SLC45A4: variants seen among roughly 807,000 people sequenced by gnomAD.
SLC45A4 encodes solute carrier family 45 member 4.
In SLC45A4, 32 loss-of-function variants were observed where a neutral mutation model predicts 63.7. The ratio of observed to expected loss-of-function variants is 0.50; its 90% CI spans 0.38 to 0.67. The LOEUF is 0.67. SLC45A4 is among the 30% of genes least tolerant of loss of function. The pLI, the probability that SLC45A4 is intolerant of heterozygous loss-of-function variation, is 0.00. For missense variants in SLC45A4, 1,027 were observed against 1,157.7 expected, an observed-to-expected ratio of 0.89 and a Z score of 1.64; for synonymous variants, 535 against 510.0, an observed-to-expected ratio of 1.05 and a Z score of -0.66.
At chr8:141,302,566 A>C (rs898425238) in intron 1 of SLC45A4, among the ~76,000 whole-genome samples, 2 of 152,252 alleles carry the variant, frequency 1.3e-5, no homozygotes, top group Non-Finnish European at 1.5e-5. Context: ...TCCTGACGTC[A>C]GGTGATCCAC....
intron 1 of SLC45A4, among the ~76,000 whole-genome samples, chr8:141,275,486 T>C (rs1467264378): frequency 2.6e-5 from 4 of 152,026 alleles, no homozygotes; most frequent in Non-Finnish European, 4.4e-5. Context: ...TGGTCCCAGC[T>C]ATTCGGTAGG....
intron 1 of SLC45A4, among the ~76,000 whole-genome samples, chr8:141,297,920 T>A (rs777639269): frequency 7.4e-6 from 1 of 135,250 alleles, no homozygotes; most frequent in Non-Finnish European, 1.6e-5. Context: ...GAGAAGGACA[T>A]GACACCCAAA....
At chr8:141,260,351 A>C (rs4961260) in intron 1 of SLC45A4, among the ~76,000 whole-genome samples, 54,805 of 152,108 alleles carry the variant, frequency 0.36, 10,354 homozygotes, top group East Asian at 0.48. Context: ...GCAACTGTCC[A>C]AACAGTAATC....
At position 141,208,928 on chromosome 8, in the gene SLC45A4, C is replaced by T. The variant is rs530726800; in HGVS notation, c.*2644G>A. On this transcript the variant is annotated 3_prime_UTR_variant, in exon 9 of 9. Transcript: ENST00000517878. ...TTATCCTAGTTTGGTAACTGGTCTG[C>T]GCACATTACACAAGACTCGACCAAC... 112 of 152,590 alleles carry T rather than the reference C, an allele frequency of 7.3e-4. No individual in the cohort carries two copies. Among genetic ancestry groups the T allele is most frequent in the African/African-American group, 2.5e-3 (102 of 41,592 alleles). The allele number at this position is 152,590 out of a possible 1,614,324, so 9.5% of individuals were successfully genotyped here.
intron 2 of SLC45A4, among the ~76,000 whole-genome samples, chr8:141,240,855 T>C (rs1827873864): frequency 6.6e-6 from 1 of 152,234 alleles, no homozygotes; most frequent in Non-Finnish European, 1.5e-5. Context: ...CGCATGTGGA[T>C]GTGCAGAGTG....
intron 1 of SLC45A4, among the ~76,000 whole-genome samples, chr8:141,257,392 C>T (rs1828844438): frequency 6.6e-6 from 1 of 152,130 alleles, no homozygotes; most frequent in African/African-American, 2.4e-5. Context: ...GAAGTAACAC[C>T]CAGACATGTC....
rs138256323 is a variant in SLC45A4, at chr8:141,264,391, G to T, written c.-400-9762C>A. ...CAAGGCTGCAATCTGTCCCACCCAT[G>T]TGCCTGTCTACCTAGCCGCGGGAGG... On this transcript the variant is annotated intron_variant, in intron 1 of 8. Coordinates refer to ENST00000517878, the MANE Select transcript of SLC45A4 (RefSeq NM_001286646.2). Among the ~76,000 whole-genome samples, 87 of 152,284 alleles carry T rather than the reference G, an allele frequency of 5.7e-4. 1 individual carries two copies. In the East Asian group the frequency reaches 0.017, roughly 29 times the overall value.
intron 1 of SLC45A4, among the ~76,000 whole-genome samples, chr8:141,284,558 T>TA (rs1393682730): frequency 1.3e-5 from 2 of 152,166 alleles, no homozygotes; most frequent in African/African-American, 4.8e-5. Context: ...CTCTGAAAAA[T>TA]AAGCCGTTCT....
chr8:141,307,770 G>C (rs1830943529), intron 1 of SLC45A4, among the ~76,000 whole-genome samples: 1 of 150,124 alleles, frequency 6.7e-6, no homozygotes, highest in South Asian at 2.1e-4. Flanking sequence ...GTGCGAAAGC[G>C]GGCCGGGTCC....
At chr8:141,240,719 C>T (rs1015537720) in intron 2 of SLC45A4, among the ~76,000 whole-genome samples, 6 of 152,226 alleles carry the variant, frequency 3.9e-5, no homozygotes, top group Admixed American at 2.6e-4. Context: ...ACACTCCAGC[C>T]TGGGTGACAG....
At chr8:141,239,574 GCACACACACA>G (rs56366558) in intron 2 of SLC45A4, among the ~76,000 whole-genome samples, 2 of 144,388 alleles carry the variant, frequency 1.4e-5, no homozygotes, top group Non-Finnish European at 3.0e-5. Context: ...CAGGAGCAAA[GCACACACACA>G]CACACACACA....
At position 141,256,463 on chromosome 8, in the gene SLC45A4, G is replaced by C. The variant is rs1483693122; in HGVS notation, c.-400-1834C>G. Reference sequence around the variant, plus strand: ...CAGAGGAGACCAGAAACCTCGAGGTGCTGTCTTCACTCGGCTCCTCTCTCA... The same window carrying C: ...CAGAGGAGACCAGAAACCTCGAGGTCCTGTCTTCACTCGGCTCCTCTCTCA... On this transcript the variant is annotated intron_variant, in intron 1 of 8. Transcript: ENST00000517878. This position sits in a 1 kb window ranked among gnomAD's most constrained non-coding sequence, Gnocchi z 4.3. 1 of 444,812 alleles carries C rather than the reference G, an allele frequency of 2.2e-6. No homozygotes were observed. The highest frequency in any genetic ancestry group is 2.0e-5 in the African/African-American group (1 of 49,630). The allele number at this position is 444,812 out of a possible 1,614,324, so 27.6% of individuals were successfully genotyped here. A position where few individuals can be genotyped will look rare whatever the true frequency, so the allele number is the denominator to read the frequency against.
chr8:141,222,562 T>G (rs1039543665), intron 2 of SLC45A4, among the ~76,000 whole-genome samples: 12 of 152,204 alleles, frequency 7.9e-5, no homozygotes, highest in Admixed American at 2.0e-4. Context: ...GATTTCAAAC[T>G]CTGTCCCTGA....
At chr8:141,295,570 G>A (rs1830515201) in intron 1 of SLC45A4, among the ~76,000 whole-genome samples, 1 of 152,194 alleles carries the variant, frequency 6.6e-6, no homozygotes, top group African/African-American at 2.4e-5. Context: ...CAAAGAAGCT[G>A]GTCTGGAACA....
intron 2 of SLC45A4, among the ~76,000 whole-genome samples, chr8:141,241,819 G>A (rs1024713914): frequency 2.0e-5 from 3 of 152,166 alleles, no homozygotes; most frequent in Non-Finnish European, 2.9e-5. Flanking sequence ...GCTCTAGAGC[G>A]CCTTCAGAAA....
In SLC45A4 at chr8:141,211,558, G is replaced by C; in HGVS notation, c.*14C>G. ...GTGTCCAACTCGCTGAGGAAAAGAAGATACGTCATTCTTCTAAGAGAACCA... is the reference window on the plus strand; with the variant it reads ...GTGTCCAACTCGCTGAGGAAAAGAACATACGTCATTCTTCTAAGAGAACCA... On this transcript the variant is annotated 3_prime_UTR_variant, in exon 9 of 9. Transcript: ENST00000517878. The C allele has an allele frequency of 6.2e-7, 1 of 1,613,278 alleles. No individual in the cohort carries two copies. Among genetic ancestry groups the C allele is most frequent in the South Asian group, 1.1e-5 (1 of 91,026 alleles).
chr8:141,217,863 C>T (rs541456854), intron 5 of SLC45A4, 148 bp downstream of exon 5: 52 of 1,006,484 alleles, frequency 5.2e-5, no homozygotes, highest in East Asian at 5.0e-4. Flanking sequence ...CTGCCTGCCG[C>T]GGGTCCCTCA....
chr8:141,254,137 T>C lies in SLC45A4; in HGVS notation c.93A>G (p.Ala31=). ...PLPDPQKAGG[A]EAENCETISE... is the part of the protein sequence containing the mutation. ...TGATGGTCTCGCAGTTCTCGGCCTC[T>C]GCGCCTCCGGCTTTCTGCGGGTCCG... The change falls in exon 2 of 9, where the codon GCA becomes GCG. Residue 31 remains alanine (A), a synonymous_variant. Transcript: ENST00000517878. This position sits in a 1 kb window ranked among gnomAD's most constrained non-coding sequence, Gnocchi z 4.5. 2.0e-6 allele frequency: 3 copies of C among 1,536,182 alleles called. No individual in the cohort carries two copies. Among genetic ancestry groups the C allele is most frequent in the Non-Finnish European group, 2.6e-6 (3 of 1,146,920 alleles).
intron 2 of SLC45A4, among the ~76,000 whole-genome samples, chr8:141,240,486 A>G (rs891526923): frequency 2.3e-4 from 35 of 152,210 alleles, no homozygotes; most frequent in African/African-American, 7.7e-4. Flanking sequence ...AACGGAGCTG[A>G]GCGTGACTCA....
Sources: gnomAD v4.1 joint callset for allele counts (sites outside exome capture counted in the v4.1 genomes callset) on GRCh38, gnomAD v4.1.1 for gene constraint, Gnocchi (gnomAD v3.1) non-coding constraint, MANE v1.5 for transcripts, NCBI Gene and HGNC (gene_info 2026-07-23, HGNC 2026-07-21) for gene names.